Variants in MACROD1 observed in about 807,000 individuals in gnomAD.
The protein encoded by MACROD1 is mono-ADP ribosylhydrolase 1.
MACROD1 carries 31 observed loss-of-function variants against 41.4 expected under a neutral mutation model. The ratio of observed to expected loss-of-function variants is 0.75; its 90% confidence interval spans 0.56 to 1.01. MACROD1 has a LOEUF of 1.01. Among genes scored for constraint, MACROD1 ranks in the 50% least tolerant of loss-of-function variants. The pLI, the probability that MACROD1 is intolerant of heterozygous loss-of-function variation, is 0.00. For synonymous variants in MACROD1, 252 were observed against 203.4 expected, an observed-to-expected ratio of 1.24 and a Z score of -2.03; for missense variants, 473 against 460.0, an observed-to-expected ratio of 1.03 and a Z score of -0.26.
intron 3 of MACROD1, among the ~76,000 whole-genome samples, chr11:64,061,531 G>A (rs1024769725): frequency 2.0e-5 from 3 of 152,120 alleles, no homozygotes; most frequent in Non-Finnish European, 4.4e-5. Flanking sequence ...TGTGATCACC[G>A]GTCTTGTTCA....
At chr11:64,116,238 G>A (rs1015406901) in intron 3 of MACROD1, 13 of 1,577,766 alleles carry the variant, frequency 8.2e-6, no homozygotes, top group South Asian at 1.1e-5. Flanking sequence ...CTCCAGGCCA[G>A]GTGGGGCCGG....
intron 3 of MACROD1, among the ~76,000 whole-genome samples, chr11:64,037,933 C>T (rs1003691344): frequency 1.3e-5 from 2 of 152,178 alleles, no homozygotes; most frequent in African/African-American, 4.8e-5. Flanking sequence ...GTGCATTTGA[C>T]GCATGTTGTT....
At chr11:64,144,056 A>C (rs1590964206) in intron 3 of MACROD1, among the ~76,000 whole-genome samples, 3 of 140,616 alleles carry the variant, frequency 2.1e-5, no homozygotes, top group African/African-American at 5.4e-5. Flanking sequence ...CCATTTTTCC[A>C]CCTAGCAGCC....
intron 3 of MACROD1, among the ~76,000 whole-genome samples, chr11:64,125,156 C>T (rs753277915): frequency 1.4e-4 from 22 of 152,138 alleles, no homozygotes; most frequent in Admixed American, 2.6e-4. Context: ...TGAGGGTGTG[C>T]TGAGGGCATA....
At chr11:64,108,313 CAAA>C (rs59331409) in intron 3 of MACROD1, among the ~76,000 whole-genome samples, 7 of 100,784 alleles carry the variant, frequency 6.9e-5, no homozygotes, top group African/African-American at 7.3e-5. Context: ...AACTCTGTCT[CAAA>C]AAAAAAAAAA....
At chr11:64,114,514 T>C (rs1254257749) in intron 3 of MACROD1, among the ~76,000 whole-genome samples, 1 of 148,416 alleles carries the variant, frequency 6.7e-6, no homozygotes. Context: ...GATGAATGGA[T>C]GGATGGATGG....
chr11:64,061,184 C>A (rs1943896325), intron 3 of MACROD1, among the ~76,000 whole-genome samples: 1 of 152,244 alleles, frequency 6.6e-6, no homozygotes, highest in African/African-American at 2.4e-5. Flanking sequence ...ATGGATTTGC[C>A]AGTAAATAAG....
intron 3 of MACROD1, among the ~76,000 whole-genome samples, chr11:64,018,402 C>A (rs1231534016): frequency 2.0e-5 from 3 of 152,216 alleles, no homozygotes; most frequent in Admixed American, 2.0e-4. Flanking sequence ...CCACATGGTT[C>A]CCCCATAAAG....
intron 1 of MACROD1, among the ~76,000 whole-genome samples, chr11:64,162,305 C>T (rs952734212): frequency 6.6e-5 from 10 of 152,066 alleles, no homozygotes; most frequent in Non-Finnish European, 1.5e-4. Context: ...GATCTCACAA[C>T]TGCACTCCAG....
At chr11:64,157,637 A>G (rs1007181368) in intron 1 of MACROD1, among the ~76,000 whole-genome samples, 13 of 152,204 alleles carry the variant, frequency 8.5e-5, no homozygotes, top group African/African-American at 3.1e-4. Context: ...CCCAGGCACG[A>G]AAGCCAAGCA....
intron 3 of MACROD1, among the ~76,000 whole-genome samples, chr11:64,021,292 A>T (rs995611014): frequency 3.8e-4 from 58 of 152,322 alleles, no homozygotes; most frequent in African/African-American, 1.3e-3. Flanking sequence ...GGAGCTGTGT[A>T]GGCGACAGGG....
chr11:64,143,753 TACACACACACACAC>T (rs55995667), intron 3 of MACROD1, among the ~76,000 whole-genome samples: 2,521 of 101,662 alleles, frequency 0.025, 44 homozygotes, highest in Non-Finnish European at 0.037. Context: ...GACACACACA[TACACACACACACAC>T]ACACACACAC....
intron 3 of MACROD1, among the ~76,000 whole-genome samples, chr11:64,028,566 G>T (rs937105418): frequency 6.6e-6 from 1 of 152,230 alleles, no homozygotes; most frequent in South Asian, 2.1e-4. Flanking sequence ...TGCTCCCTCC[G>T]CGGCCCAGCC....
intron 3 of MACROD1, among the ~76,000 whole-genome samples, chr11:64,087,992 G>A (rs1269941027): frequency 3.9e-5 from 6 of 152,190 alleles, no homozygotes; most frequent in Non-Finnish European, 7.4e-5. Context: ...GGAGGGCCTC[G>A]AGAGGGGCTG....
At chr11:64,074,530 G>A (rs1453788964) in intron 3 of MACROD1, among the ~76,000 whole-genome samples, 2 of 152,232 alleles carry the variant, frequency 1.3e-5, no homozygotes, top group Non-Finnish European at 2.9e-5. Flanking sequence ...CTAAGGTCAC[G>A]CAGCAAATAA....
At chr11:64,163,692 A>G (rs1035192293) in intron 1 of MACROD1, among the ~76,000 whole-genome samples, 9 of 152,174 alleles carry the variant, frequency 5.9e-5, no homozygotes, top group African/African-American at 1.9e-4. Context: ...CCTCAGAGGG[A>G]GGGAGACCCT....
chr11:64,105,070 C>T (rs1400496202), intron 3 of MACROD1, among the ~76,000 whole-genome samples: 3 of 152,254 alleles, frequency 2.0e-5, no homozygotes, highest in Non-Finnish European at 4.4e-5. Flanking sequence ...CACGGCGCAG[C>T]ATGCATGCCA....
chr11:64,065,789 CAA>C (rs58096977), intron 3 of MACROD1, among the ~76,000 whole-genome samples: 10,323 of 67,374 alleles, frequency 0.15, 497 homozygotes, highest in African/African-American at 0.23. Context: ...GACTCCGCCT[CAA>C]AAAAAAAAAA....
chr11:64,116,254 C>G (rs78353563), intron 3 of MACROD1: 12 of 1,589,784 alleles, frequency 7.5e-6, no homozygotes, highest in Non-Finnish European at 1.0e-5. Context: ...GCCGGACGCC[C>G]CCAGCCATCC....
Sources: gnomAD v4.1 joint callset for allele counts (sites outside exome capture counted in the v4.1 genomes callset) on GRCh38, gnomAD v4.1.1 for gene constraint, MANE v1.5 for transcripts, NCBI Gene and HGNC (gene_info 2026-07-23, HGNC 2026-07-21) for gene names.